SPAG9: variants seen among roughly 807,000 people sequenced by gnomAD.
SPAG9 encodes the protein C-Jun-amino-terminal kinase-interacting protein 4.
Under a neutral mutation model 166.5 loss-of-function variants are expected in SPAG9, and 35 were observed. The ratio of observed to expected loss-of-function variants is 0.21; its 90% CI spans 0.16 to 0.28. The LOEUF (loss-of-function observed/expected upper bound fraction) is 0.28, where lower values mean the gene tolerates loss of function less well. Ranked by LOEUF, SPAG9 falls within the 10% of genes least tolerant of loss-of-function variation. The pLI, the probability that SPAG9 is intolerant of heterozygous loss-of-function variation, is 1.00. For missense variants in SPAG9, 1,235 were observed against 1,603.3 expected, an observed-to-expected ratio of 0.77 and a Z score of 3.92; for synonymous variants, 534 against 565.5, an observed-to-expected ratio of 0.94 and a Z score of 0.79.
At chr17:51,015,254 C>A (rs553986363) in intron 8 of SPAG9, among the ~76,000 whole-genome samples, 2 of 152,132 alleles carry the variant, frequency 1.3e-5, no homozygotes, top group South Asian at 4.2e-4. Flanking sequence ...GCTGCCAGAA[C>A]CCCTGAAAGG....
chr17:50,974,899 C>G lies in SPAG9; in HGVS notation c.3572G>C (p.Arg1191Pro), dbSNP rs753249279. The change falls in exon 28 of 30, where the codon CGT becomes CCT. Residue 1191 changes from arginine (R) to proline (P), a missense_variant. Physicochemically the swap from Arg to Pro is moderately radical, Grantham distance 103 (BLOSUM62 -2). Around this residue, in one of 6 missense-constraint regions of SPAG9, gnomAD observed 243 missense variants for 358.6 expected, o/e 0.68. Coordinates refer to ENST00000262013, the MANE Select transcript of SPAG9 (RefSeq NM_001130528.3). ...VPGNRPGSVI[R>P]VYGDENSDKV... Reference sequence around the variant, plus strand: ...ATCACTGTTTTCATCACCATATACACGGATTACACTTCCAGGACGATTTCC... The same window carrying G: ...ATCACTGTTTTCATCACCATATACAGGGATTACACTTCCAGGACGATTTCC... 3.1e-6 allele frequency: 5 copies of G among 1,612,314 alleles called. No homozygotes were observed. In the Admixed American group the frequency reaches 5.1e-5, roughly 16 times the overall value.
In SPAG9 at chr17:51,120,687, G is replaced by T; in HGVS notation, c.-31C>A. On this transcript the variant is annotated 5_prime_UTR_variant, in exon 1 of 30. Coordinates refer to ENST00000262013, the MANE Select transcript of SPAG9 (RefSeq NM_001130528.3). The surrounding 1 kb of genome is among the most constrained non-coding windows in gnomAD (Gnocchi z 4.7). ...CAAGCGGACGGGCGGGCGGCCCGGG[G>T]CGTCGCCGGCAGAGGGGCGGCACCT... is the stretch of plus-strand genomic sequence containing the variant. 2 of 1,535,018 alleles carry T rather than the reference G, an allele frequency of 1.3e-6. No homozygotes were observed. Among genetic ancestry groups the T allele is most frequent in the Non-Finnish European group, 8.8e-7 (1 of 1,141,802 alleles).
rs5820842 is a variant in SPAG9 at position 51,120,293 on chromosome 17, A to AC, written c.303+60dup. The AC allele has an allele frequency of 1, 1,366,977 of 1,367,492 alleles. 683,233 individuals are homozygous for AC. The highest frequency in any genetic ancestry group is 1 in the Admixed American group (36,254 of 36,260). The allele number at this position is 1,367,492 out of a possible 1,614,324, so 84.7% of individuals were successfully genotyped here. Reference sequence around the variant, plus strand: ...GCCTCTAGTCCCCGACCGGGCCGCGACCCCGCCCCGGCCGCCCCCGGAGAC... The same window carrying AC: ...GCCTCTAGTCCCCGACCGGGCCGCGACCCCCGCCCCGGCCGCCCCCGGAGAC... On this transcript the variant is annotated intron_variant, in intron 1 of 29. Transcript: ENST00000262013. This position sits in a 1 kb window ranked among gnomAD's most constrained non-coding sequence, Gnocchi z 4.7.
At chr17:51,054,213 C>A (rs2047292806) in intron 3 of SPAG9, among the ~76,000 whole-genome samples, 1 of 138,784 alleles carries the variant, frequency 7.2e-6, no homozygotes, top group African/African-American at 2.7e-5. Flanking sequence ...ACCTCCTGGG[C>A]TCAAGTGATC....
intron 9 of SPAG9, among the ~76,000 whole-genome samples, chr17:51,010,873 T>C (rs1393929255): frequency 6.6e-6 from 1 of 151,942 alleles, no homozygotes; most frequent in South Asian, 2.1e-4. Context: ...AGATCTGAGA[T>C]GGAGGTAAAA....
chr17:50,999,485 A>G, intron 14 of SPAG9, 176 bp downstream of exon 14: 1 of 1,509,514 alleles, frequency 6.6e-7, no homozygotes, highest in Non-Finnish European at 8.8e-7. Flanking sequence ...CCGAGTTGGC[A>G]CACTATATAT....
intron 9 of SPAG9, among the ~76,000 whole-genome samples, chr17:51,010,580 AAAAT>A (rs1195634499): frequency 1.2e-3 from 169 of 140,238 alleles, no homozygotes; most frequent in African/African-American, 3.4e-3. Flanking sequence ...AAAAAAAAAA[AAAAT>A]ATATATATAT....
chr17:51,091,959 C>A (rs2048478543), intron 1 of SPAG9, among the ~76,000 whole-genome samples: 1 of 131,484 alleles, frequency 7.6e-6, no homozygotes, highest in Non-Finnish European at 1.6e-5. Flanking sequence ...CAAATGAATA[C>A]TTTGAAAAGA....
chr17:51,104,340 T>C (rs2048882322), intron 1 of SPAG9, among the ~76,000 whole-genome samples: 1 of 152,124 alleles, frequency 6.6e-6, no homozygotes, highest in South Asian at 2.1e-4. Context: ...TGGCACTCAA[T>C]GAAAGTATCT....
chr17:51,030,665 T>C (rs1015057317), intron 6 of SPAG9, among the ~76,000 whole-genome samples: 1 of 152,226 alleles, frequency 6.6e-6, no homozygotes, highest in African/African-American at 2.4e-5. Context: ...TAACTCTAGA[T>C]ACTCACATTT....
chr17:51,072,916 G>C (rs2047863737), intron 2 of SPAG9, among the ~76,000 whole-genome samples: 1 of 152,176 alleles, frequency 6.6e-6, no homozygotes, highest in Non-Finnish European at 1.5e-5. Context: ...TTTAGGCTGT[G>C]TACAGTGGCT....
chr17:51,089,617 A>ATT (rs1304479721), intron 1 of SPAG9, among the ~76,000 whole-genome samples: 54 of 68,648 alleles, frequency 7.9e-4, no homozygotes, highest in African/African-American at 2.3e-3. Flanking sequence ...TATACACTTT[A>ATT]TTTTATATAT....
At chr17:51,038,150 C>T (rs1365141573) in intron 5 of SPAG9, among the ~76,000 whole-genome samples, 2 of 152,012 alleles carry the variant, frequency 1.3e-5, no homozygotes, top group African/African-American at 2.4e-5. Flanking sequence ...CAAGGTAAAG[C>T]ATATGTATGT....
intron 12 of SPAG9, among the ~76,000 whole-genome samples, chr17:51,004,533 T>C (rs2045111285): frequency 6.6e-6 from 1 of 152,144 alleles, no homozygotes; most frequent in South Asian, 2.1e-4. Context: ...AAGCCAAGAA[T>C]TAGAGACCAG....
chr17:51,107,263 G>A (rs1477617915), intron 1 of SPAG9, among the ~76,000 whole-genome samples: 1 of 150,906 alleles, frequency 6.6e-6, no homozygotes, highest in Non-Finnish European at 1.5e-5. Flanking sequence ...AGAAACTGCA[G>A]GAAGGCCGGA....
intron 1 of SPAG9, among the ~76,000 whole-genome samples, chr17:51,099,826 G>A (rs149890294): frequency 3.4e-5 from 5 of 145,414 alleles, no homozygotes; most frequent in East Asian, 2.1e-4. Context: ...CCAGCCAGGC[G>A]CAGTGGCTCA....
At chr17:50,974,513 C>T (rs1273964732) in intron 28 of SPAG9, among the ~76,000 whole-genome samples, 4 of 152,196 alleles carry the variant, frequency 2.6e-5, no homozygotes, top group Non-Finnish European at 5.9e-5. Context: ...AATAATACTA[C>T]TGCTTTTCAA....
chr17:51,001,884 T>C (rs780700568), intron 12 of SPAG9, 39 bp from the exon 13 acceptor site: 5 of 1,592,158 alleles, frequency 3.1e-6, no homozygotes, highest in Non-Finnish European at 4.3e-6. Context: ...TCTGGAAGCT[T>C]ATAAATGTCT....
At chr17:51,041,795 C>T in intron 4 of SPAG9, 144 bp from the exon 5 acceptor site, 3 of 750,462 alleles carry the variant, frequency 4.0e-6, no homozygotes, top group Non-Finnish European at 6.4e-6. Context: ...ATAAAACAGA[C>T]TTACCAAAGA....
Sources: gnomAD v4.1 joint callset for allele counts (sites outside exome capture counted in the v4.1 genomes callset) on GRCh38, gnomAD v4.1.1 for gene constraint, gnomAD v4.1.1 regional missense constraint, Gnocchi (gnomAD v3.1) non-coding constraint, MANE v1.5 for transcripts, NCBI Gene and HGNC (gene_info 2026-07-23, HGNC 2026-07-21) for gene names.